LHFPL4: variants seen among roughly 807,000 people sequenced by gnomAD.
LHFPL4 encodes the protein LHFPL tetraspan subfamily member 4 protein.
Under a neutral mutation model 20.0 loss-of-function variants are expected in LHFPL4, and 6 were observed. The observed-to-expected ratio is 0.30, with a 90% CI of 0.16 to 0.59. The LOEUF is 0.59. Ranked by LOEUF, LHFPL4 falls within the 20% of genes least tolerant of loss-of-function variation. The probability of loss-of-function intolerance (pLI) is 0.88; values close to 1 mark genes in which losing one functional copy is unlikely to be tolerated. For synonymous variants in LHFPL4, 129 were observed against 143.8 expected (o/e 0.90, Z 0.74); for missense variants, 215 against 331.2 (o/e 0.65, Z 2.72).
chr3:9,519,821 G>C (rs1408716798), intron 2 of LHFPL4, among the ~76,000 whole-genome samples: 1 of 151,798 alleles, frequency 6.6e-6, no homozygotes, highest in Non-Finnish European at 1.5e-5. Flanking sequence ...AGTATAAGCT[G>C]GCTAATTTTT....
intron 2 of LHFPL4, among the ~76,000 whole-genome samples, chr3:9,527,457 T>A (rs1486756828): frequency 1.3e-5 from 2 of 152,094 alleles, no homozygotes; most frequent in African/African-American, 2.4e-5. Context: ...GGTGCATGCC[T>A]GTAGTCTCAC....
intron 2 of LHFPL4, among the ~76,000 whole-genome samples, chr3:9,537,565 G>T (rs974230118): frequency 6.6e-6 from 1 of 152,042 alleles, no homozygotes; most frequent in Non-Finnish European, 1.5e-5. Context: ...TCCTAGGCTG[G>T]CTCTGCCACA....
At chr3:9,537,827 T>C (rs1027101608) in intron 2 of LHFPL4, among the ~76,000 whole-genome samples, 1 of 152,086 alleles carries the variant, frequency 6.6e-6, no homozygotes, top group African/African-American at 2.4e-5. Context: ...GGCAATTTCA[T>C]CTATGCTCAG....
rs370762541 is a variant in LHFPL4, at chr3:9,552,442, A to T, written c.238T>A (p.Ser80Thr). Residue 80 changes from serine (S) to threonine (T), a missense_variant, in exon 2 of 4, where the codon TCC becomes ACC. Coordinates refer to ENST00000287585, the MANE Select transcript of LHFPL4 (RefSeq NM_198560.3). The stretch of plus-strand genomic sequence containing the variant: ...GGGATGGTGCTGAAGTCGGTGAAGG[A>T]GCCCCGGCAGGTGAGCTCGCGGCCC... ...LAGRELTCRG[S>T]FTDFSTIPSS... is the part of the protein sequence containing the mutation. 4 of 1,613,384 alleles carry T rather than the reference A, an allele frequency of 2.5e-6. No individual in the cohort carries two copies. The highest frequency in any genetic ancestry group is 3.4e-6 in the Non-Finnish European group (4 of 1,179,792).
chr3:9,540,066 A>G (rs1475085484), intron 2 of LHFPL4, among the ~76,000 whole-genome samples: 2 of 152,212 alleles, frequency 1.3e-5, no homozygotes, highest in African/African-American at 4.8e-5. Context: ...TTGTAAATGT[A>G]TATACCACTT....
chr3:9,502,226 G>T lies in LHFPL4; in HGVS notation c.729C>A (p.His243Gln). 6.2e-7 allele frequency: 1 copy of T among 1,613,858 alleles called. No homozygotes were observed. The highest frequency in any genetic ancestry group is 8.5e-7 in the Non-Finnish European group (1 of 1,179,762). ...GWGVLPCPVA[H>Q]SQGP is the part of the protein sequence containing the mutation. Reference sequence around the variant, plus strand: ...TCCTGGCCTTTCAGGGTCCCTGTGAGTGAGCCACGGGGCAGGGAAGGACTC... The same window carrying T: ...TCCTGGCCTTTCAGGGTCCCTGTGATTGAGCCACGGGGCAGGGAAGGACTC... The change falls in exon 4 of 4, where the codon CAC becomes CAA. Residue 243 changes from histidine (H) to glutamine (Q), a missense_variant. By Grantham distance (24) the His-to-Gln change is conservative (BLOSUM62 0). This residue lies in a region of LHFPL4 where 51 missense variants were observed against 44.5 expected (regional missense o/e 1.15). Transcript: ENST00000287585.
chr3:9,528,618 A>G (rs146220649), intron 2 of LHFPL4, among the ~76,000 whole-genome samples: 90 of 152,022 alleles, frequency 5.9e-4, no homozygotes, highest in African/African-American at 2.1e-3. Context: ...TCCATTTATT[A>G]TTATTATTAT....
At chr3:9,522,879 A>G (rs1156884301) in intron 2 of LHFPL4, among the ~76,000 whole-genome samples, 4 of 151,558 alleles carry the variant, frequency 2.6e-5, no homozygotes, top group Non-Finnish European at 5.9e-5. Flanking sequence ...GTCTCTACTA[A>G]AAATACAAAA....
chr3:9,548,502 G>A (rs187892622), intron 2 of LHFPL4, among the ~76,000 whole-genome samples: 1 of 152,008 alleles, frequency 6.6e-6, no homozygotes, highest in African/African-American at 2.4e-5. Context: ...TCTCCATTCA[G>A]GATGCTCTCT....
At position 9,506,790 on chromosome 3, in the gene LHFPL4, A is replaced by G. The variant is rs1019241554; in HGVS notation, c.407-587T>C. On this transcript the variant is annotated intron_variant, in intron 2 of 3. Transcript: ENST00000287585. The surrounding 1 kb of genome is among the most constrained non-coding windows in gnomAD (Gnocchi z 4.5). ...GAGATGAGGTTTCACCATGTTGGCC[A>G]GGCTGGTCTCGAACTCCTAACCTCA... Among the ~76,000 whole-genome samples, 1 of 152,148 alleles carries G rather than the reference A, an allele frequency of 6.6e-6. No homozygotes were observed. The highest frequency in any genetic ancestry group is 1.5e-5 in the Non-Finnish European group (1 of 68,036).
In LHFPL4 at chr3:9,499,090, G is replaced by C. The variant is rs927363329; in HGVS notation, c.*3121C>G. The stretch of plus-strand genomic sequence containing the variant: ...CACAGTTAGGGGGGTCACAGTTAGG[G>C]GGGGACTTCTCTTGGGACCTGAAGC... On this transcript the variant is annotated 3_prime_UTR_variant, in exon 4 of 4. Coordinates refer to ENST00000287585, the MANE Select transcript of LHFPL4 (RefSeq NM_198560.3). The C allele has an allele frequency of 6.5e-6, 1 of 153,534 alleles. No homozygotes were observed. The highest frequency in any genetic ancestry group is 2.4e-5 in the African/African-American group (1 of 41,466). 9.5% of individuals were successfully genotyped at this position (153,534 alleles called of 1,614,324 possible). A position where few individuals can be genotyped will look rare whatever the true frequency, so the allele number is the denominator to read the frequency against.
In LHFPL4 at chr3:9,519,500, T is replaced by G. The variant is rs2046324581; in HGVS notation, c.407-13297A>C. Among the ~76,000 whole-genome samples the G allele has an allele frequency of 2.0e-5, 3 of 152,190 alleles. No individual in the cohort carries two copies. The South Asian group carries it at 6.2e-4, about 31-fold the overall frequency. ...CTTTGGTTTTGTCGATTTTCTTTAT[T>G]GATTTCTTGTTTTCAATTCACCTGA... On this transcript the variant is annotated intron_variant, in intron 2 of 3. Coordinates refer to ENST00000287585, the MANE Select transcript of LHFPL4 (RefSeq NM_198560.3).
chr3:9,540,318 C>T (rs533946279), intron 2 of LHFPL4, among the ~76,000 whole-genome samples: 13 of 152,252 alleles, frequency 8.5e-5, no homozygotes, highest in African/African-American at 2.2e-4. Flanking sequence ...GCCACAGAAC[C>T]AAATGTTTAG....
intron 2 of LHFPL4, among the ~76,000 whole-genome samples, chr3:9,536,355 C>A (rs983753583): frequency 1.3e-5 from 2 of 152,144 alleles, no homozygotes; most frequent in African/African-American, 4.8e-5. Context: ...ATGCCCCTAT[C>A]AGCTCCTAGG....
At chr3:9,544,304 A>C (rs1027615662) in intron 2 of LHFPL4, among the ~76,000 whole-genome samples, 4 of 148,514 alleles carry the variant, frequency 2.7e-5, no homozygotes, top group Non-Finnish European at 5.9e-5. Flanking sequence ...AAAAAAAAAA[A>C]CCCTTTAACA....
In LHFPL4 at chr3:9,529,696, G is replaced by A. The variant is rs1338488605; in HGVS notation, c.406+22578C>T. On this transcript the variant is annotated intron_variant, in intron 2 of 3. Transcript: ENST00000287585. ...TTCACCCAGGCTGGAGTGCAGTGGC[G>A]TGATCTCGGCTTACTGCAACTTCTA... Among the ~76,000 whole-genome samples the A allele has an allele frequency of 4.6e-5, 7 of 152,020 alleles. 2 individuals carry two copies. Among genetic ancestry groups the A allele is most frequent in the Admixed American group, 3.9e-4 (6 of 15,258 alleles).
At chr3:9,524,903 G>A (rs1433330032) in intron 2 of LHFPL4, among the ~76,000 whole-genome samples, 1 of 152,182 alleles carries the variant, frequency 6.6e-6, no homozygotes, top group Non-Finnish European at 1.5e-5. Context: ...GGGAAGAGGG[G>A]AAGCATTCTA....
chr3:9,503,006 ATTTC>A (rs1162654060), intron 3 of LHFPL4, among the ~76,000 whole-genome samples: 1 of 151,768 alleles, frequency 6.6e-6, no homozygotes, highest in Non-Finnish European at 1.5e-5. Flanking sequence ...ATATATATAT[ATTTC>A]TTTCTTTTTA....
Position 9,506,410 on chromosome 3 carries a change from C to A in LHFPL4, c.407-207G>T, listed in dbSNP as rs766073124. Among the ~76,000 whole-genome samples the A allele has an allele frequency of 2.0e-5, 3 of 152,140 alleles. No homozygotes were observed. The highest frequency in any genetic ancestry group is 4.4e-5 in the Non-Finnish European group (3 of 68,014). ...AGAGGTCTACGATGGGTAGCAGAAA[C>A]TTTCTGGAACCCGCAATGCCCTCTC... On this transcript the variant is annotated intron_variant, in intron 2 of 3. Coordinates refer to ENST00000287585, the MANE Select transcript of LHFPL4 (RefSeq NM_198560.3). The surrounding 1 kb of genome is among the most constrained non-coding windows in gnomAD (Gnocchi z 4.5).
Sources: allele counts gnomAD v4.1 joint callset (sites outside exome capture counted in the v4.1 genomes callset), GRCh38; gene constraint gnomAD v4.1.1; regional missense constraint gnomAD v4.1.1; non-coding constraint Gnocchi (gnomAD v3.1); transcripts MANE v1.5; gene names NCBI Gene and HGNC (gene_info 2026-07-23, HGNC 2026-07-21).